The following CDCA7L variants were observed in gnomAD, a reference collection of about 807,000 sequenced individuals.
CDCA7L encodes cell division cycle associated 7 like, also known as cell division cycle-associated 7-like protein.
CDCA7L carries 44 observed loss-of-function variants against 57.4 expected under a neutral mutation model. The observed-to-expected ratio is 0.77, with a 90% CI of 0.60 to 0.98. The LOEUF (loss-of-function observed/expected upper bound fraction) is 0.98, where lower values mean the gene tolerates loss of function less well. Ranked by LOEUF, CDCA7L falls within the 50% of genes least tolerant of loss-of-function variation. The pLI, the probability that CDCA7L is intolerant of heterozygous loss-of-function variation, is 0.00. For missense variants in CDCA7L, 644 were observed against 580.6 expected (o/e 1.11, Z -1.12); for synonymous variants, 236 against 202.8 (o/e 1.16, Z -1.39).
At chr7:21,925,211 T>C (rs1225123380) in intron 1 of CDCA7L, among the ~76,000 whole-genome samples, 1 of 152,020 alleles carries the variant, frequency 6.6e-6, no homozygotes, top group East Asian at 1.9e-4. Context: ...ACAGACAAAA[T>C]GGCAAAACAA....
At chr7:21,939,288 T>C (rs912103611) in intron 1 of CDCA7L, among the ~76,000 whole-genome samples, 1 of 152,204 alleles carries the variant, frequency 6.6e-6, no homozygotes, top group African/African-American at 2.4e-5. Context: ...CGGCACAACA[T>C]TGTGACTATA....
intron 1 of CDCA7L, chr7:21,944,537 G>A (rs1027124515): frequency 2.7e-5 from 4 of 150,700 alleles, no homozygotes; most frequent in Admixed American, 1.3e-4. Context: ...TCATTCCGTA[G>A]GCTTTACTGT....
chr7:21,906,600 A>T lies in CDCA7L; in HGVS notation c.721T>A (p.Phe241Ile), dbSNP rs1474948765. ...LLAELNSMPD[F>I]FPVRTPTSAS... ...GAGGTTGGGGTTCGTACTGGGAAGA[A>T]ATCTGGCATCGAGTTCAATTCCGCC... Residue 241 changes from phenylalanine to isoleucine, a missense_variant, in exon 5 of 10, where the codon TTC (phenylalanine) becomes ATC (isoleucine). Coordinates refer to ENST00000406877, the MANE Select transcript of CDCA7L (RefSeq NM_018719.5). 1.2e-6 allele frequency: 2 copies of T among 1,614,150 alleles called. No homozygotes were observed. The highest frequency in any genetic ancestry group is 1.7e-6 in the Non-Finnish European group (2 of 1,180,030).
At chr7:21,944,842 C>T (rs1786465957) in intron 1 of CDCA7L, 1 of 148,556 alleles carries the variant, frequency 6.7e-6, no homozygotes, top group Admixed American at 6.8e-5. Context: ...AAGGTGGAAG[C>T]AGTGAGTCTC....
intron 1 of CDCA7L, among the ~76,000 whole-genome samples, chr7:21,930,557 C>T (rs192256090): frequency 2.0e-5 from 3 of 151,718 alleles, no homozygotes; most frequent in Non-Finnish European, 4.4e-5. Flanking sequence ...ATTAGCTGGG[C>T]GTGGTGGCGG....
intron 1 of CDCA7L, among the ~76,000 whole-genome samples, chr7:21,919,802 T>C (rs1413956784): frequency 1.3e-5 from 2 of 152,130 alleles, no homozygotes; most frequent in African/African-American, 4.8e-5. Flanking sequence ...ACCAATATAC[T>C]ACCAACAACA....
intron 1 of CDCA7L, among the ~76,000 whole-genome samples, chr7:21,937,571 G>C (rs541873393): frequency 1.3e-5 from 2 of 151,834 alleles, no homozygotes; most frequent in African/African-American, 4.8e-5. Flanking sequence ...CCAGGAGGCA[G>C]AGGTTACAGT....
At chr7:21,908,569 G>T in intron 3 of CDCA7L, 62 bp from the exon 4 acceptor site, 1 of 1,385,752 alleles carries the variant, frequency 7.2e-7, no homozygotes, top group Non-Finnish European at 9.4e-7. Context: ...AAAAAGACAT[G>T]CATTTAAAAC....
chr7:21,907,387 T>G (rs186918971), intron 4 of CDCA7L, among the ~76,000 whole-genome samples: 163 of 152,284 alleles, frequency 1.1e-3, no homozygotes, highest in African/African-American at 3.8e-3. Flanking sequence ...GCATATACAG[T>G]ATCACTGCAT....
chr7:21,902,592 TGAAACTTGTAACTCACATTCTGTCCTC>T (rs1459528100), intron 9 of CDCA7L: 1 of 571,260 alleles, frequency 1.8e-6, no homozygotes, highest in East Asian at 2.9e-5. Context: ...ATTACATAAA[TGAAACTTGTAACTCACATTCTGTCCTC>T]TTGCCCTGAA....
At chr7:21,939,570 A>G (rs1207112152) in intron 1 of CDCA7L, among the ~76,000 whole-genome samples, 1 of 152,196 alleles carries the variant, frequency 6.6e-6, no homozygotes, top group African/African-American at 2.4e-5. Flanking sequence ...CAGCAGATAG[A>G]ACATGTGAAG....
chr7:21,929,277 G>A (rs1397816188), intron 1 of CDCA7L, among the ~76,000 whole-genome samples: 1 of 152,036 alleles, frequency 6.6e-6, no homozygotes, highest in Non-Finnish European at 1.5e-5. Context: ...TCACCACCAG[G>A]CCTGCCTTAT....
Position 21,915,009 on chromosome 7 carries a change from C to T in CDCA7L, c.165+1745G>A, listed in dbSNP as rs1562626587. Among the ~76,000 whole-genome samples, 3 of 152,296 alleles carry T rather than the reference C, an allele frequency of 2.0e-5. No individual in the cohort carries two copies. The South Asian group carries it at 6.2e-4, about 32-fold the overall frequency. On this transcript the variant is annotated intron_variant, in intron 2 of 9. Coordinates refer to ENST00000406877, the MANE Select transcript of CDCA7L (RefSeq NM_018719.5). ...GGTGGATCCAACAGGCTCTGCTCTCCCCACCGCCTGACTGTGCTCAGATGG... is the reference window on the plus strand; with the variant it reads ...GGTGGATCCAACAGGCTCTGCTCTCTCCACCGCCTGACTGTGCTCAGATGG...
Position 21,901,342 on chromosome 7 carries a change from A to ACTG in CDCA7L, c.*979_*980insCAG. 7.2e-7 allele frequency: 1 copy of ACTG among 1,392,654 alleles called. No homozygotes were observed. Among genetic ancestry groups the ACTG allele is most frequent in the South Asian group, 2.0e-5 (1 of 48,878 alleles). 86.3% of individuals were successfully genotyped at this position (1,392,654 alleles called of 1,614,324 possible). A position where few individuals can be genotyped will look rare whatever the true frequency, so the allele number is the denominator to read the frequency against. On this transcript the variant is annotated 3_prime_UTR_variant, in exon 10 of 10. Transcript: ENST00000406877. ...GCACTGTTCCCATGCACATTATTCT[A>ACTG]ACTTTTTAGTAACTCACACGTGCAT...
intron 6 of CDCA7L, 64 bp downstream of exon 6, chr7:21,906,225 G>C: frequency 6.8e-7 from 1 of 1,476,430 alleles, no homozygotes; most frequent in Non-Finnish European, 9.2e-7. Flanking sequence ...ACAGTGACGT[G>C]CGTTCACGTT....
intron 1 of CDCA7L, among the ~76,000 whole-genome samples, chr7:21,919,608 T>C (rs1436916090): frequency 6.6e-6 from 1 of 152,174 alleles, no homozygotes; most frequent in African/African-American, 2.4e-5. Context: ...CACAAGTTCA[T>C]GGTGACACCC....
chr7:21,927,736 A>G (rs1785871423), intron 1 of CDCA7L, among the ~76,000 whole-genome samples: 1 of 152,228 alleles, frequency 6.6e-6, no homozygotes, highest in Admixed American at 6.5e-5. Flanking sequence ...ATATAATCAA[A>G]TATTAAAAGC....
intron 1 of CDCA7L, among the ~76,000 whole-genome samples, chr7:21,936,692 C>T (rs1292621549): frequency 6.6e-6 from 1 of 151,810 alleles, no homozygotes; most frequent in Non-Finnish European, 1.5e-5. Context: ...ACGAAAAACC[C>T]GCAACTAACA....
At position 21,905,634 on chromosome 7, in the gene CDCA7L, G is replaced by T; in HGVS notation, c.922-3C>A. The stretch of plus-strand genomic sequence containing the variant: ...CGTCTGTACTCCCGGCATTTCCCCT[G>T]CACAATGAACACAAGCAGAACATGG... On this transcript the variant is annotated splice_polypyrimidine_tract_variant and splice_region_variant and intron_variant, in intron 6 of 9. Coordinates refer to ENST00000406877, the MANE Select transcript of CDCA7L (RefSeq NM_018719.5). 6.2e-7 allele frequency: 1 copy of T among 1,613,020 alleles called. No individual in the cohort carries two copies.
Sources: gnomAD v4.1 joint callset for allele counts (sites outside exome capture counted in the v4.1 genomes callset) on GRCh38, gnomAD v4.1.1 for gene constraint, MANE v1.5 for transcripts, NCBI Gene and HGNC (gene_info 2026-07-23, HGNC 2026-07-21) for gene names.